PRKCB: variants seen among roughly 807,000 people sequenced by gnomAD.
PRKCB encodes protein kinase C beta type.
A neutral mutation model predicts 81.5 loss-of-function variants in PRKCB; 13 were observed. The observed-to-expected ratio is 0.16, with a 90% confidence interval of 0.10 to 0.25. PRKCB has a LOEUF of 0.25. Among genes scored for constraint, PRKCB ranks in the 10% least tolerant of loss-of-function variants. The pLI is 1.00. For missense variants in PRKCB, 509 were observed against 875.7 expected (o/e 0.58, Z 5.29); for synonymous variants, 335 against 321.4 (o/e 1.04, Z -0.45).
intron 13 of PRKCB, among the ~76,000 whole-genome samples, chr16:24,183,385 A>G (rs1349924567): frequency 6.6e-6 from 1 of 152,214 alleles, no homozygotes; most frequent in Non-Finnish European, 1.5e-5. Flanking sequence ...TCAAGAATAC[A>G]ATAGATTGTT....
intron 5 of PRKCB, among the ~76,000 whole-genome samples, chr16:24,061,186 A>G (rs951749445): frequency 2.6e-5 from 4 of 151,838 alleles, no homozygotes; most frequent in African/African-American, 4.8e-5. Flanking sequence ...TCAGCCTCCC[A>G]AGTAGCTGGG....
intron 2 of PRKCB, among the ~76,000 whole-genome samples, chr16:23,984,526 G>A (rs1330941920): frequency 6.6e-6 from 1 of 152,080 alleles, no homozygotes; most frequent in South Asian, 2.1e-4. Context: ...CTAAAACCAG[G>A]TAGAGTTGAT....
chr16:24,003,264 A>G (rs1471738933), intron 3 of PRKCB, among the ~76,000 whole-genome samples: 1 of 152,038 alleles, frequency 6.6e-6, no homozygotes, highest in Non-Finnish European at 1.5e-5. Context: ...TGACTGATGC[A>G]TCTGCTTTGT....
At chr16:24,003,434 G>C (rs148578919) in intron 3 of PRKCB, among the ~76,000 whole-genome samples, 39 of 151,126 alleles carry the variant, frequency 2.6e-4, no homozygotes, top group African/African-American at 8.8e-4. Flanking sequence ...GCCCAGGCTG[G>C]AGTGCAGTGG....
chr16:23,933,280 G>A (rs1964003515), intron 2 of PRKCB, among the ~76,000 whole-genome samples: 1 of 152,172 alleles, frequency 6.6e-6, no homozygotes, highest in Non-Finnish European at 1.5e-5. Context: ...TTATGACTAT[G>A]AACAGGTGCC....
chr16:24,036,972 T>C (rs2141858744), intron 5 of PRKCB, among the ~76,000 whole-genome samples: 1 of 152,350 alleles, frequency 6.6e-6, no homozygotes, highest in South Asian at 2.1e-4. Flanking sequence ...TCTTTCCACC[T>C]TCACAACATT....
At chr16:24,116,156 G>T (rs920384836) in intron 8 of PRKCB, among the ~76,000 whole-genome samples, 1 of 152,164 alleles carries the variant, frequency 6.6e-6, no homozygotes, top group African/African-American at 2.4e-5. Flanking sequence ...CCATTAGTGA[G>T]TGTATTCCTG....
At position 23,949,925 on chromosome 16, in the gene PRKCB, C is replaced by T. The variant is rs542619090; in HGVS notation, c.206-38583C>T. On this transcript the variant is annotated intron_variant, in intron 2 of 16. Transcript: ENST00000643927. ...AGAGCCACTTGGGTCCAGCCACCCA[C>T]ACCTCTTCCCTGTGCCTCAGGCTGG... is the stretch of plus-strand genomic sequence containing the variant. Among the ~76,000 whole-genome samples the T allele has an allele frequency of 2.6e-5, 4 of 152,310 alleles. No individual in the cohort carries two copies. The South Asian group carries it at 8.3e-4, about 32-fold the overall frequency.
chr16:24,119,676 A>G (rs935059863), intron 8 of PRKCB, among the ~76,000 whole-genome samples: 2 of 152,116 alleles, frequency 1.3e-5, no homozygotes, highest in Admixed American at 6.5e-5. Context: ...GTGTGAGGAC[A>G]TAGCCCGAGA....
intron 5 of PRKCB, among the ~76,000 whole-genome samples, chr16:24,042,415 C>T (rs1965711529): frequency 6.6e-6 from 1 of 152,058 alleles, no homozygotes; most frequent in Non-Finnish European, 1.5e-5. Context: ...ATCTCCCTTC[C>T]CTTTTACATT....
chr16:24,168,372 T>C (rs764003146), intron 10 of PRKCB, among the ~76,000 whole-genome samples: 2 of 152,152 alleles, frequency 1.3e-5, no homozygotes, highest in African/African-American at 4.8e-5. Context: ...CCCCTCACAA[T>C]AGCTTTGCAA....
intron 15 of PRKCB, 71 bp from the exon 16 acceptor site, chr16:24,191,019 A>G (rs1264876072): frequency 6.5e-7 from 1 of 1,530,776 alleles, no homozygotes; most frequent in Non-Finnish European, 8.9e-7. Context: ...GCATTGGAGT[A>G]ATAATTTCTG....
At chr16:24,172,720 G>A (rs1967462542) in intron 11 of PRKCB, among the ~76,000 whole-genome samples, 1 of 152,064 alleles carries the variant, frequency 6.6e-6, no homozygotes, top group South Asian at 2.1e-4. Flanking sequence ...GTGGCGCACA[G>A]CTGTAGTCTC....
chr16:23,865,547 GTGTGTGTGTGTGTGTGTGTGTGTA>G (rs1476468993), intron 2 of PRKCB, among the ~76,000 whole-genome samples: 3,776 of 73,562 alleles, frequency 0.051, 475 homozygotes, highest in East Asian at 0.19. Flanking sequence ...GTGTGTGTGT[GTGTGTGTGTGTGTGTGTGTGTGTA>G]TATGTATATT....
intron 7 of PRKCB, among the ~76,000 whole-genome samples, chr16:24,103,893 C>T (rs2141909837): frequency 6.6e-6 from 1 of 152,296 alleles, no homozygotes; most frequent in Middle Eastern, 3.4e-3. Flanking sequence ...ATAGCCTCCG[C>T]CTTCCGGGTT....
At chr16:24,034,051 C>T (rs554102113) in intron 4 of PRKCB, among the ~76,000 whole-genome samples, 8 of 152,206 alleles carry the variant, frequency 5.3e-5, no homozygotes, top group Non-Finnish European at 7.4e-5. Flanking sequence ...CATGCAGCAA[C>T]GTGGAAACAG....
intron 3 of PRKCB, among the ~76,000 whole-genome samples, chr16:24,000,416 C>A (rs1359702414): frequency 6.6e-6 from 1 of 152,190 alleles, no homozygotes; most frequent in African/African-American, 2.4e-5. Flanking sequence ...AGAGTATGGA[C>A]TCTGAAATCA....
intron 5 of PRKCB, among the ~76,000 whole-genome samples, chr16:24,078,373 C>T (rs75717740): frequency 0.016 from 2,366 of 152,300 alleles, 55 homozygotes; most frequent in African/African-American, 0.055. Flanking sequence ...ATTGGTAAAC[C>T]TCGTCTGTCC....
intron 5 of PRKCB, among the ~76,000 whole-genome samples, chr16:24,075,734 C>A (rs1325841269): frequency 6.6e-6 from 1 of 152,162 alleles, no homozygotes; most frequent in African/African-American, 2.4e-5. Flanking sequence ...TCAAAGTTAG[C>A]CTGATTAATG....
Sources: gnomAD v4.1 joint callset for allele counts (sites outside exome capture counted in the v4.1 genomes callset) on GRCh38, gnomAD v4.1.1 for gene constraint, MANE v1.5 for transcripts, NCBI Gene and HGNC (gene_info 2026-07-23, HGNC 2026-07-21) for gene names.